The following KCNH3 variants were observed in gnomAD, a reference collection of about 807,000 sequenced individuals.
KCNH3 encodes the protein voltage-gated inwardly rectifying potassium channel KCNH3.
KCNH3 carries 36 observed loss-of-function variants against 95.6 expected under a neutral mutation model. The ratio of observed to expected loss-of-function variants is 0.38; its 90% CI spans 0.29 to 0.50. The LOEUF (loss-of-function observed/expected upper bound fraction) is 0.50. KCNH3 is among the 20% of genes least tolerant of loss of function. KCNH3 has a pLI of 0.95. For missense variants in KCNH3, 1,030 were observed against 1,484.1 expected (o/e 0.69, Z 5.03); for synonymous variants, 620 against 646.3 (o/e 0.96, Z 0.62).
In KCNH3 at chr12:49,541,030, C is replaced by T; in HGVS notation, c.208C>T (p.Leu70Phe). ...VMQRGCACSFLYGPDTSELVR... is the reference protein window; with the variant it reads ...VMQRGCACSFFYGPDTSELVR... ...GCAGCGGGGCTGTGCCTGCTCCTTCCTTTATGGGCCAGACACCAGTGAGCT... is the reference window on the plus strand; with the variant it reads ...GCAGCGGGGCTGTGCCTGCTCCTTCTTTTATGGGCCAGACACCAGTGAGCT... The change falls in exon 2 of 15, where the codon CTT becomes TTT. Residue 70 changes from leucine to phenylalanine, a missense_variant. Around this residue, in one of 9 missense-constraint regions of KCNH3, gnomAD observed 63 missense variants for 107.7 expected, o/e 0.59. Coordinates refer to ENST00000257981, the MANE Select transcript of KCNH3 (RefSeq NM_012284.3). 1 of 1,613,962 alleles carries T rather than the reference C, an allele frequency of 6.2e-7. No homozygotes were observed. The highest frequency in any genetic ancestry group is 8.5e-7 in the Non-Finnish European group (1 of 1,180,040).
chr12:49,552,081 T>G (rs1418384908), intron 10 of KCNH3, among the ~76,000 whole-genome samples: 1 of 152,232 alleles, frequency 6.6e-6, no homozygotes, highest in Non-Finnish European at 1.5e-5. Context: ...AATGGAGTTA[T>G]GCCAGTTAAG....
At chr12:49,540,809 A>G in intron 1 of KCNH3, 90 bp from the exon 2 acceptor site, 1 of 1,057,862 alleles carries the variant, frequency 9.5e-7, no homozygotes, top group Non-Finnish European at 1.4e-6. Flanking sequence ...TGGAAAACCC[A>G]CTCTTTGGTT....
Position 49,550,061 on chromosome 12 carries a change from C to CCCCCCCCGGG in KCNH3, c.1669-19_1669-18insCCCCCCCGGG. ...CTGCCACTCCCAACCCCCCCACCCCCGCACCTGCTCACCTGCAGCTGCTGC... is the reference window on the plus strand; with the variant it reads ...CTGCCACTCCCAACCCCCCCACCCCCCCCCCCCGGGGCACCTGCTCACCTGCAGCTGCTGC... On this transcript the variant is annotated intron_variant, in intron 9 of 14. Transcript: ENST00000257981. The CCCCCCCCGGG allele has an allele frequency of 1.3e-6, 2 of 1,556,718 alleles. No homozygotes were observed. Among genetic ancestry groups the CCCCCCCCGGG allele is most frequent in the Non-Finnish European group, 1.7e-6 (2 of 1,148,712 alleles).
intron 7 of KCNH3, among the ~76,000 whole-genome samples, chr12:49,545,686 C>T (rs950217714): frequency 2.6e-5 from 4 of 152,004 alleles, no homozygotes; most frequent in African/African-American, 7.2e-5. Context: ...CCACCACACC[C>T]GGCAGGTGGC....
intron 11 of KCNH3, 31 bp from the exon 12 acceptor site, chr12:49,555,589 A>G (rs1938409472): frequency 7.0e-7 from 1 of 1,421,604 alleles, no homozygotes; most frequent in East Asian, 2.3e-5. Context: ...GTGACCATCC[A>G]TGCCGATTCC....
chr12:49,556,742 G>C lies in KCNH3; in HGVS notation c.2575+266G>C, dbSNP rs949634919. 1.3e-5 allele frequency: 9 copies of C among 683,478 alleles called. No homozygotes were observed. The Middle Eastern group carries it at 7.0e-4, about 53-fold the overall frequency. The allele number at this position is 683,478 out of a possible 1,614,324, so 42.3% of individuals were successfully genotyped here. Reference sequence around the variant, plus strand: ...TGTGAATTTGGCTTCTCTGGCCCCAGCTTCCTGTCTGTAAAAAAATGGGTT... The same window carrying C: ...TGTGAATTTGGCTTCTCTGGCCCCACCTTCCTGTCTGTAAAAAAATGGGTT... On this transcript the variant is annotated intron_variant, in intron 13 of 14. Transcript: ENST00000257981.
chr12:49,557,102 AACTGGGGCAAGGCCTAG>A, intron 13 of KCNH3, 64 bp from the exon 14 acceptor site: 1 of 1,348,520 alleles, frequency 7.4e-7, no homozygotes, highest in Non-Finnish European at 1.1e-6. Flanking sequence ...AATGTGCTCT[AACTGGGGCAAGGCCTAG>A]ACCCCCAAAT....
intron 9 of KCNH3, 21 bp from the exon 10 acceptor site, chr12:49,550,059 C>T: frequency 6.4e-7 from 1 of 1,553,118 alleles, no homozygotes; most frequent in Non-Finnish European, 8.7e-7. Context: ...CCCCCCCACC[C>T]CCGCACCTGC....
At chr12:49,550,449 G>C in intron 10 of KCNH3, 120 bp downstream of exon 10, 1 of 1,290,838 alleles carries the variant, frequency 7.7e-7, no homozygotes, top group Non-Finnish European at 1.1e-6. Flanking sequence ...AGCCAGGGTG[G>C]AGTCAGGAGT....
chr12:49,548,654 A>T (rs1285136519), intron 7 of KCNH3, among the ~76,000 whole-genome samples: 1 of 152,100 alleles, frequency 6.6e-6, no homozygotes, highest in Non-Finnish European at 1.5e-5. Context: ...GGTGCCAGCC[A>T]TGGGGGAAGG....
At position 49,544,495 on chromosome 12, in the gene KCNH3, C is replaced by G. The variant is rs147487369; in HGVS notation, c.1189+113C>G. ...CTACCTGTGCAAGTCTGCACGTGTG[C>G]AAATCAGAGAAGAGGGTGTGCAGGT... is the stretch of plus-strand genomic sequence containing the variant. On this transcript the variant is annotated intron_variant, in intron 7 of 14. Coordinates refer to ENST00000257981, the MANE Select transcript of KCNH3 (RefSeq NM_012284.3). 2.5e-3 allele frequency: 2,648 copies of G among 1,042,648 alleles called. 29 individuals carry two copies. The highest frequency in any genetic ancestry group is 0.018 in the South Asian group (1,253 of 69,262). 64.6% of individuals were successfully genotyped at this position (1,042,648 alleles called of 1,614,324 possible).
chr12:49,556,556 C>A, intron 13 of KCNH3, 80 bp downstream of exon 13: 3 of 1,017,676 alleles, frequency 2.9e-6, no homozygotes, highest in Admixed American at 1.9e-5. Context: ...GACCTCTGAG[C>A]CTTCAATGTT....
chr12:49,557,476 G>T lies in KCNH3; in HGVS notation c.2775G>T (p.Gly925=), dbSNP rs957688221. The change falls in exon 15 of 15, where the codon GGG becomes GGT. Residue 925 remains glycine (G), a synonymous_variant. Coordinates refer to ENST00000257981, the MANE Select transcript of KCNH3 (RefSeq NM_012284.3). The part of the protein sequence containing the change: ...EGPCPRASGE[G]PCPASTSGLL... ...CGTGCCCTCGGGCATCGGGAGAGGG[G>T]CCGTGCCCAGCCAGCACCTCCGGGC... The T allele has an allele frequency of 6.2e-7, 1 of 1,611,068 alleles. No homozygotes were observed. Among genetic ancestry groups the T allele is most frequent in the Non-Finnish European group, 8.5e-7 (1 of 1,179,506 alleles).
rs759915917 is a variant in KCNH3 at position 49,549,490 on chromosome 12, C to T, written c.1518C>T (p.Arg506=). The T allele has an allele frequency of 2.5e-6, 4 of 1,613,302 alleles. No homozygotes were observed. The highest frequency in any genetic ancestry group is 1.3e-5 in the African/African-American group (1 of 74,954). The change falls in exon 9 of 15, where the codon CGC becomes CGT. Residue 506 remains arginine (R), a synonymous_variant. Transcript: ENST00000257981. The part of the protein sequence containing the change: ...VFGNVTAIIQ[R]MYARRFLYHS... ...GGAACGTGACGGCCATCATCCAGCG[C>T]ATGTACGCCCGCCGCTTTCTGTACC...
intron 1 of KCNH3, among the ~76,000 whole-genome samples, chr12:49,540,158 G>C (rs1040160151): frequency 6.6e-6 from 1 of 152,146 alleles, no homozygotes; most frequent in South Asian, 2.1e-4. Flanking sequence ...CACATCCCCC[G>C]TGGGGCTTCC....
intron 1 of KCNH3, among the ~76,000 whole-genome samples, chr12:49,540,434 G>A (rs1280197093): frequency 6.6e-6 from 1 of 152,218 alleles, no homozygotes; most frequent in Non-Finnish European, 1.5e-5. Flanking sequence ...ACAGACAGCA[G>A]GATGTATGGT....
chr12:49,541,730 G>A lies in KCNH3; in HGVS notation c.411G>A (p.Lys137=). 6.2e-7 allele frequency: 1 copy of A among 1,614,208 alleles called. No homozygotes were observed. Among genetic ancestry groups the A allele is most frequent in the Non-Finnish European group, 8.5e-7 (1 of 1,180,034 alleles). Residue 137 remains lysine (K), a synonymous_variant, in exon 3 of 15, where the codon AAG becomes AAA. Coordinates refer to ENST00000257981, the MANE Select transcript of KCNH3 (RefSeq NM_012284.3). ...CTCACAAGGACATCAGCGAAACCAA[G>A]AACCGAGGGGGCCCCGACAGATGGA... ...LVSHKDISET[K]NRGGPDRWKE...
chr12:49,543,147 C>T (rs1237281061), intron 4 of KCNH3, 128 bp from the exon 5 acceptor site: 1 of 1,058,240 alleles, frequency 9.4e-7, no homozygotes, highest in Non-Finnish European at 1.4e-6. Context: ...CTAATGCCAT[C>T]TCGAAGCAGA....
chr12:49,549,634 C>T lies in KCNH3; in HGVS notation c.1662C>T (p.Thr554=), dbSNP rs1348119706. ...GGGCGGTGAACAATGGCATCGACAC[C>T]ACCGAGGTGCGGCCTCCGGGGCTGG... ...ATWAVNNGID[T]TELLQSLPDE... Residue 554 remains threonine, a synonymous_variant, in exon 9 of 15, where the codon ACC becomes ACT. Coordinates refer to ENST00000257981, the MANE Select transcript of KCNH3 (RefSeq NM_012284.3). The T allele has an allele frequency of 6.2e-7, 1 of 1,608,362 alleles. No individual in the cohort carries two copies. The highest frequency in any genetic ancestry group is 1.1e-5 in the South Asian group (1 of 91,030).
Sources: gnomAD v4.1 joint callset for allele counts (sites outside exome capture counted in the v4.1 genomes callset) on GRCh38, gnomAD v4.1.1 for gene constraint, gnomAD v4.1.1 regional missense constraint, MANE v1.5 for transcripts, NCBI Gene and HGNC (gene_info 2026-07-23, HGNC 2026-07-21) for gene names.